ARHGAP10: variants seen among roughly 807,000 people sequenced by gnomAD.
ARHGAP10 encodes the protein Rho GTPase activating protein 10.
Under a neutral mutation model 108.6 loss-of-function variants are expected in ARHGAP10, and 87 were observed. The ratio of observed to expected loss-of-function variants is 0.80; its 90% CI spans 0.67 to 0.96. The LOEUF is 0.96. ARHGAP10 is among the 40% of genes least tolerant of loss of function. ARHGAP10 has a pLI of 0.00. For missense variants in ARHGAP10, 939 were observed against 954.5 expected (o/e 0.98, Z 0.21); for synonymous variants, 347 against 341.1 (o/e 1.02, Z -0.19).
intron 13 of ARHGAP10, among the ~76,000 whole-genome samples, chr4:147,914,633 C>T (rs1736890176): frequency 7.4e-6 from 1 of 135,196 alleles, no homozygotes; most frequent in Admixed American, 8.0e-5. Flanking sequence ...AGTCTTTTGA[C>T]TCTGGCTTTG....
chr4:148,016,479 G>A (rs1393175355), intron 18 of ARHGAP10, among the ~76,000 whole-genome samples: 1 of 152,036 alleles, frequency 6.6e-6, no homozygotes, highest in African/African-American at 2.4e-5. Context: ...CTCTATCTTG[G>A]GCAATTAGAG....
chr4:147,932,830 CAAT>C (rs1737758617), intron 13 of ARHGAP10, among the ~76,000 whole-genome samples: 1 of 152,022 alleles, frequency 6.6e-6, no homozygotes, highest in South Asian at 2.1e-4. Flanking sequence ...ATGGAAAAAA[CAAT>C]AAAAAGGTAA....
chr4:147,947,953 T>C (rs966090870), intron 15 of ARHGAP10, among the ~76,000 whole-genome samples: 1 of 151,450 alleles, frequency 6.6e-6, no homozygotes, highest in Non-Finnish European at 1.5e-5. Flanking sequence ...GTTTTTTTTT[T>C]TTTTTTGAGA....
intron 13 of ARHGAP10, among the ~76,000 whole-genome samples, chr4:147,914,566 CCCT>C (rs201385493): frequency 2.3e-4 from 25 of 107,224 alleles, no homozygotes; most frequent in African/African-American, 4.8e-4. Flanking sequence ...TCCCCCCCCC[CCCT>C]TTTTTTTTTT....
intron 1 of ARHGAP10, among the ~76,000 whole-genome samples, chr4:147,773,709 A>AAG (rs143475651): frequency 1.1e-4 from 17 of 152,342 alleles, no homozygotes; most frequent in African/African-American, 4.1e-4. Flanking sequence ...AAAAGCCTTA[A>AAG]AGTGGAATGA....
At chr4:147,933,278 CTA>C in intron 13 of ARHGAP10, among the ~76,000 whole-genome samples, 1 of 152,258 alleles carries the variant, frequency 6.6e-6, no homozygotes, top group Admixed American at 6.5e-5. Context: ...AGCCCAGAGA[CTA>C]TTCACAGGTG....
chr4:147,897,106 G>T (rs745470924), intron 10 of ARHGAP10, among the ~76,000 whole-genome samples: 1 of 151,570 alleles, frequency 6.6e-6, no homozygotes, highest in South Asian at 2.1e-4. Flanking sequence ...TATACTGTTC[G>T]TACAGCATGT....
At chr4:147,992,493 C>T (rs947958306) in intron 18 of ARHGAP10, among the ~76,000 whole-genome samples, 7 of 152,114 alleles carry the variant, frequency 4.6e-5, no homozygotes, top group East Asian at 1.9e-4. Context: ...CTGCAACCTC[C>T]GCCTCCCGGG....
chr4:147,968,788 A>G (rs544030683), intron 18 of ARHGAP10, among the ~76,000 whole-genome samples: 55 of 152,294 alleles, frequency 3.6e-4, no homozygotes, highest in African/African-American at 1.2e-3. Flanking sequence ...TTTGTTTATT[A>G]AAAAGATTTT....
At chr4:147,858,844 T>A (rs1734201793) in intron 5 of ARHGAP10, among the ~76,000 whole-genome samples, 1 of 152,250 alleles carries the variant, frequency 6.6e-6, no homozygotes, top group Non-Finnish European at 1.5e-5. Context: ...TCCACTTCAC[T>A]TTCTCATTAG....
At chr4:147,856,708 A>G (rs914525002) in intron 4 of ARHGAP10, among the ~76,000 whole-genome samples, 3 of 152,242 alleles carry the variant, frequency 2.0e-5, no homozygotes, top group African/African-American at 7.2e-5. Context: ...AAAAATATCC[A>G]AAAATCTCTA....
At chr4:147,963,085 A>G (rs1739062576) in intron 16 of ARHGAP10, among the ~76,000 whole-genome samples, 1 of 152,116 alleles carries the variant, frequency 6.6e-6, no homozygotes, top group African/African-American at 2.4e-5. Context: ...ATATAACTCT[A>G]TTCATATCGC....
At chr4:147,945,199 C>T (rs893283183) in intron 14 of ARHGAP10, among the ~76,000 whole-genome samples, 1 of 152,086 alleles carries the variant, frequency 6.6e-6, no homozygotes, top group African/African-American at 2.4e-5. Flanking sequence ...CCATCATACT[C>T]CTTAGGGGTT....
intron 7 of ARHGAP10, among the ~76,000 whole-genome samples, chr4:147,872,120 A>G (rs1181358129): frequency 1.4e-5 from 2 of 148,050 alleles, no homozygotes; most frequent in Admixed American, 6.7e-5. Context: ...AAAAAAAAAA[A>G]GCCTTCCATT....
chr4:148,034,469 C>T (rs1728285390), intron 19 of ARHGAP10, among the ~76,000 whole-genome samples: 1 of 151,960 alleles, frequency 6.6e-6, no homozygotes, highest in African/African-American at 2.4e-5. Flanking sequence ...AGGCCCCTGC[C>T]ACCACTCCCG....
chr4:148,045,631 G>A (rs1258854440), intron 19 of ARHGAP10, among the ~76,000 whole-genome samples: 4 of 151,412 alleles, frequency 2.6e-5, no homozygotes, highest in Non-Finnish European at 4.4e-5. Context: ...CCAACTACTC[G>A]GGAGGCTGAG....
intron 1 of ARHGAP10, among the ~76,000 whole-genome samples, chr4:147,735,841 T>G (rs1383980972): frequency 6.6e-6 from 1 of 152,232 alleles, no homozygotes; most frequent in Non-Finnish European, 1.5e-5. Context: ...CTTTCTTTTC[T>G]TAAAATAACC....
intron 18 of ARHGAP10, among the ~76,000 whole-genome samples, chr4:147,968,560 C>G (rs17024226): frequency 0.14 from 21,089 of 152,180 alleles, 1,945 homozygotes; most frequent in African/African-American, 0.27. Flanking sequence ...TTAAGTATTT[C>G]TGGTTTAAAA....
intron 1 of ARHGAP10, among the ~76,000 whole-genome samples, chr4:147,737,766 G>A (rs1270315800): frequency 2.0e-5 from 3 of 152,190 alleles, no homozygotes; most frequent in Non-Finnish European, 2.9e-5. Context: ...ACTTGAGCCA[G>A]GGTGGGGACC....
Sources: allele counts gnomAD v4.1 joint callset (sites outside exome capture counted in the v4.1 genomes callset), GRCh38; gene constraint gnomAD v4.1.1; transcripts MANE v1.5; gene names NCBI Gene and HGNC (gene_info 2026-07-23, HGNC 2026-07-21).